ANKFN1: variants seen among roughly 807,000 people sequenced by gnomAD.
ANKFN1 encodes ankyrin repeat and fibronectin type-III domain-containing protein 1.
A neutral mutation model predicts 108.7 loss-of-function variants in ANKFN1; 74 were observed. The observed-to-expected ratio is 0.68, with a 90% CI of 0.56 to 0.83. The LOEUF (loss-of-function observed/expected upper bound fraction) is 0.83. Among genes scored for constraint, ANKFN1 ranks in the 40% least tolerant of loss-of-function variants. ANKFN1 has a pLI of 0.00. For synonymous variants in ANKFN1, 547 were observed against 516.2 expected (o/e 1.06, Z -0.81); for missense variants, 1,505 against 1,382.3 (o/e 1.09, Z -1.41).
chr17:56,275,545 A>G (rs1302994962), intron 3 of ANKFN1, among the ~76,000 whole-genome samples: 2 of 152,218 alleles, frequency 1.3e-5, no homozygotes, highest in Non-Finnish European at 2.9e-5. Flanking sequence ...TGATGGTATT[A>G]AGGCTAAGCA....
At chr17:56,147,696 C>T (rs187625640) in intron 4 of ANKFN1, among the ~76,000 whole-genome samples, 1 of 152,106 alleles carries the variant, frequency 6.6e-6, no homozygotes, top group Non-Finnish European at 1.5e-5. Flanking sequence ...GGGACACAGC[C>T]AAAATTTATC....
chr17:56,133,692 C>T (rs1294515243), intron 4 of ANKFN1, among the ~76,000 whole-genome samples: 1 of 152,046 alleles, frequency 6.6e-6, no homozygotes, highest in Admixed American at 6.6e-5. Flanking sequence ...GTCATTTTCT[C>T]TTTGATTCTC....
chr17:56,475,818 T>TC (rs1349858901), intron 15 of ANKFN1, among the ~76,000 whole-genome samples: 1 of 152,174 alleles, frequency 6.6e-6, no homozygotes, highest in Non-Finnish European at 1.5e-5. Flanking sequence ...CAGGATATGC[T>TC]CCTACTTACA....
chr17:56,326,312 T>C lies in ANKFN1; in HGVS notation c.145T>C (p.Leu49=). 5 of 1,613,922 alleles carry C rather than the reference T, an allele frequency of 3.1e-6. No individual in the cohort carries two copies. In the South Asian group the frequency reaches 5.5e-5, roughly 18 times the overall value. Residue 49 remains leucine (L), a synonymous_variant, in exon 4 of 21, where the codon TTA becomes CTA. Transcript: ENST00000682825. ...CDLLNESTGQ[L]PTTCSSAASN... ...TTTATTGAATGAAAGCACTGGACAA[T>C]TACCAACAACTTGTTCCTCTGCTGC... is the stretch of plus-strand genomic sequence containing the variant.
intron 1 of ANKFN1, among the ~76,000 whole-genome samples, chr17:56,208,922 C>T (rs1018441181): frequency 6.6e-6 from 1 of 151,940 alleles, no homozygotes; most frequent in Admixed American, 6.6e-5. Flanking sequence ...CTCGCTCTGT[C>T]ACCAGGCTAG....
chr17:56,250,679 A>G (rs1287503891), intron 3 of ANKFN1, among the ~76,000 whole-genome samples: 1 of 152,232 alleles, frequency 6.6e-6, no homozygotes, highest in African/African-American at 2.4e-5. Context: ...CCAACAGTTG[A>G]TTAGGAAATA....
intron 4 of ANKFN1, among the ~76,000 whole-genome samples, chr17:56,075,191 C>T (rs1905167114): frequency 6.6e-6 from 1 of 152,098 alleles, no homozygotes; most frequent in Admixed American, 6.5e-5. Flanking sequence ...TGGAATTGTG[C>T]TATTTTAATT....
intron 4 of ANKFN1, among the ~76,000 whole-genome samples, chr17:56,137,014 C>T (rs1476182683): frequency 6.6e-6 from 1 of 152,106 alleles, no homozygotes; most frequent in Non-Finnish European, 1.5e-5. Context: ...GAAATAAGAC[C>T]ATTTATTCAA....
In ANKFN1 at chr17:56,503,012, A is replaced by G. The variant is rs554804252; in HGVS notation, c.2644+3914A>G. ...GCATCTCTCAAGGACCCAAGGGGGA[A>G]AGTTGGCTTCTAGAAAATGCAGCTC... On this transcript the variant is annotated intron_variant, in intron 20 of 20. Transcript: ENST00000682825. Among the ~76,000 whole-genome samples, 18 of 152,310 alleles carry G rather than the reference A, an allele frequency of 1.2e-4. No individual in the cohort carries two copies. The South Asian group carries it at 3.1e-3, about 26-fold the overall frequency.
At chr17:56,275,938 T>A (rs1201817193) in intron 3 of ANKFN1, among the ~76,000 whole-genome samples, 1 of 152,186 alleles carries the variant, frequency 6.6e-6, no homozygotes, top group African/African-American at 2.4e-5. Flanking sequence ...GGTATACATG[T>A]GTCATGTTGG....
intron 3 of ANKFN1, among the ~76,000 whole-genome samples, chr17:56,234,090 A>G (rs1324827487): frequency 6.6e-6 from 1 of 152,182 alleles, no homozygotes; most frequent in African/African-American, 2.4e-5. Flanking sequence ...ACAATCAACA[A>G]AACAATAAAT....
intron 15 of ANKFN1, among the ~76,000 whole-genome samples, chr17:56,476,664 T>G (rs766918563): frequency 3.3e-5 from 5 of 152,220 alleles, no homozygotes; most frequent in Admixed American, 1.3e-4. Context: ...GTTAAGGATT[T>G]GAAAAACATA....
rs1459199053 is a variant in ANKFN1, at chr17:56,091,753, A to G, written c.288+45428A>G. 1.3e-5 allele frequency among the ~76,000 whole-genome samples: 2 copies of G among 151,554 alleles called. 1 individual carries two copies. The highest frequency in any genetic ancestry group is 4.8e-5 in the African/African-American group (2 of 41,302). On this transcript the variant is annotated intron_variant, in intron 4 of 12. Transcript: ENST00000635860. ...AGGATTGACCTAAGCTAAAGCAGCC[A>G]GAGACTATGTGGTCAAGAAAACCGC... is the stretch of plus-strand genomic sequence containing the variant.
chr17:56,228,468 C>T lies in ANKFN1; in HGVS notation c.53+511C>T, dbSNP rs182713427. The T allele has an allele frequency of 2.0e-5, 3 of 152,382 alleles. 1 individual carries two copies. The highest frequency in any genetic ancestry group is 2.0e-4 in the Admixed American group (3 of 15,258). 9.4% of individuals were successfully genotyped at this position (152,382 alleles called of 1,614,324 possible). ...TTATGTTTCTTTATTCTTAGTACTT[C>T]CAGTGTCTATACCCAAATTACAAAT... On this transcript the variant is annotated intron_variant, in intron 3 of 20. Transcript: ENST00000682825.
intron 8 of ANKFN1, among the ~76,000 whole-genome samples, chr17:56,435,103 A>G (rs2048890117): frequency 6.6e-6 from 1 of 152,194 alleles, no homozygotes; most frequent in African/African-American, 2.4e-5. Context: ...CTAACTGAGC[A>G]GTAGAAGTAA....
At chr17:56,351,832 G>A (rs971628602) in intron 5 of ANKFN1, among the ~76,000 whole-genome samples, 7 of 152,168 alleles carry the variant, frequency 4.6e-5, no homozygotes, top group Admixed American at 2.6e-4. Flanking sequence ...TCAGCAAGGG[G>A]ATTTTTGCAG....
At chr17:56,307,547 A>T (rs867059102) in intron 3 of ANKFN1, among the ~76,000 whole-genome samples, 4,420 of 152,352 alleles carry the variant, frequency 0.029, 101 homozygotes, top group Non-Finnish European at 0.042. Context: ...CACACCAGTT[A>T]GAATGGCGAT....
chr17:56,480,626 A>T, intron 16 of ANKFN1, 42 bp from the exon 17 acceptor site: 3 of 1,604,916 alleles, frequency 1.9e-6, no homozygotes, highest in Non-Finnish European at 2.6e-6. Flanking sequence ...TGTGTTCTGA[A>T]CTTTTGTTAT....
chr17:56,084,936 G>A (rs1325257191), intron 4 of ANKFN1, among the ~76,000 whole-genome samples: 2 of 150,714 alleles, frequency 1.3e-5, no homozygotes, highest in Non-Finnish European at 3.0e-5. Context: ...CTGTGAAGTC[G>A]GGAGCCTCAG....
Sources: allele counts gnomAD v4.1 joint callset (sites outside exome capture counted in the v4.1 genomes callset), GRCh38; gene constraint gnomAD v4.1.1; transcripts MANE v1.5; gene names NCBI Gene and HGNC (gene_info 2026-07-23, HGNC 2026-07-21).